DNAJB6: variants seen among roughly 807,000 people sequenced by gnomAD.
DNAJB6 encodes the protein dnaJ homolog subfamily B member 6.
A neutral mutation model predicts 42.7 loss-of-function variants in DNAJB6; 16 were observed. That is an observed-to-expected ratio of 0.37 (90% CI 0.25 to 0.57). DNAJB6 has a LOEUF of 0.57. Among genes scored for constraint, DNAJB6 ranks in the 20% least tolerant of loss-of-function variants. The pLI is 0.74. For synonymous variants in DNAJB6, 170 were observed against 163.5 expected, an observed-to-expected ratio of 1.04 and a Z score of -0.30; for missense variants, 347 against 416.8, an observed-to-expected ratio of 0.83 and a Z score of 1.46.
intron 5 of DNAJB6, among the ~76,000 whole-genome samples, chr7:157,372,558 C>T (rs978353381): frequency 1.3e-5 from 2 of 152,178 alleles, no homozygotes; most frequent in African/African-American, 2.4e-5. Context: ...TCCTCTAGTG[C>T]CTTGATACTG....
At chr7:157,396,711 C>G (rs2117147084) in intron 8 of DNAJB6, among the ~76,000 whole-genome samples, 1 of 152,308 alleles carries the variant, frequency 6.6e-6, no homozygotes, top group South Asian at 2.1e-4. Context: ...TAATTTCCGG[C>G]TTTCATAGCC....
intron 1 of DNAJB6, among the ~76,000 whole-genome samples, chr7:157,344,209 C>G (rs570897323): frequency 6.6e-6 from 1 of 152,160 alleles, no homozygotes; most frequent in Non-Finnish European, 1.5e-5. Flanking sequence ...GGCGTGGTGA[C>G]AGGTGCCTGT....
At chr7:157,352,415 A>C (rs1799036320) in intron 1 of DNAJB6, among the ~76,000 whole-genome samples, 1 of 151,910 alleles carries the variant, frequency 6.6e-6, no homozygotes, top group African/African-American at 2.4e-5. Context: ...GGCTTTATTT[A>C]ATCATGCAGT....
intron 5 of DNAJB6, among the ~76,000 whole-genome samples, chr7:157,374,244 A>G (rs1487415517): frequency 6.6e-6 from 1 of 152,066 alleles, no homozygotes; most frequent in Non-Finnish European, 1.5e-5. Flanking sequence ...TCGTGTTGAG[A>G]TGGAGCTGTT....
chr7:157,355,879 T>C (rs971852752), intron 1 of DNAJB6, among the ~76,000 whole-genome samples: 2 of 152,212 alleles, frequency 1.3e-5, no homozygotes, highest in Non-Finnish European at 2.9e-5. Flanking sequence ...GTGTTTTTGG[T>C]GGTGAAGTAA....
At chr7:157,354,511 G>A (rs1175029233) in intron 1 of DNAJB6, among the ~76,000 whole-genome samples, 5 of 151,398 alleles carry the variant, frequency 3.3e-5, no homozygotes, top group African/African-American at 7.3e-5. Flanking sequence ...GACAGGTCTC[G>A]CTCTCACCCC....
chr7:157,383,787 G>A (rs567586162), intron 6 of DNAJB6, among the ~76,000 whole-genome samples: 2 of 152,276 alleles, frequency 1.3e-5, no homozygotes, highest in East Asian at 1.9e-4. Flanking sequence ...TACTCCTAAC[G>A]GAGATCAGCA....
intron 8 of DNAJB6, among the ~76,000 whole-genome samples, chr7:157,386,851 T>G (rs1309773589): frequency 6.7e-6 from 1 of 150,042 alleles, no homozygotes; most frequent in Non-Finnish European, 1.5e-5. Context: ...GCCATTGCAC[T>G]CCAGCCTGGG....
intron 9 of DNAJB6, chr7:157,412,125 T>C (rs945306024): frequency 2.0e-5 from 3 of 152,168 alleles, no homozygotes; most frequent in Admixed American, 6.5e-5. Context: ...AACGAACACG[T>C]CAGAGACTTT....
At chr7:157,353,093 A>G (rs761000135) in intron 1 of DNAJB6, among the ~76,000 whole-genome samples, 8 of 149,514 alleles carry the variant, frequency 5.4e-5, no homozygotes, top group East Asian at 2.0e-4. Flanking sequence ...TTTTTTTTTA[A>G]TTTTTAAAAT....
At chr7:157,404,377 A>G (rs1455677461) in intron 8 of DNAJB6, among the ~76,000 whole-genome samples, 1 of 149,272 alleles carries the variant, frequency 6.7e-6, no homozygotes. Context: ...TGCAGCCTTG[A>G]ACCCCCTCGG....
chr7:157,343,428 T>A (rs1210431074), intron 1 of DNAJB6, among the ~76,000 whole-genome samples: 1 of 152,170 alleles, frequency 6.6e-6, no homozygotes, highest in Non-Finnish European at 1.5e-5. Flanking sequence ...GTGCTGGGAT[T>A]ACAGGCGTGA....
At chr7:157,383,527 G>A (rs1487402722) in intron 6 of DNAJB6, among the ~76,000 whole-genome samples, 3 of 152,056 alleles carry the variant, frequency 2.0e-5, no homozygotes, top group Non-Finnish European at 4.4e-5. Flanking sequence ...CATGGAATAT[G>A]CTGACCACAG....
At chr7:157,415,929 A>C in intron 9 of DNAJB6, 87 bp from the exon 10 acceptor site, 1 of 1,601,248 alleles carries the variant, frequency 6.2e-7, no homozygotes, top group Non-Finnish European at 8.5e-7. Context: ...TGTTCTTAAC[A>C]TGGGGAGATA....
intron 8 of DNAJB6, among the ~76,000 whole-genome samples, chr7:157,406,192 T>G (rs1284560202): frequency 6.6e-6 from 1 of 152,254 alleles, no homozygotes. Context: ...TCCCTGTCCA[T>G]GCCGGCAGTG....
chr7:157,343,095 A>T (rs1798499684), intron 1 of DNAJB6, among the ~76,000 whole-genome samples: 1 of 151,704 alleles, frequency 6.6e-6, no homozygotes, highest in Admixed American at 6.6e-5. Context: ...AGGCTCAAGC[A>T]ATTCTTGTGC....
intron 5 of DNAJB6, chr7:157,369,375 G>C (rs1038018525): frequency 2.2e-6 from 1 of 456,632 alleles, no homozygotes; most frequent in Non-Finnish European, 4.4e-6. Context: ...GGCAGTGTTT[G>C]GGTTGAAGTC....
At chr7:157,408,531 G>A (rs6956607) in intron 8 of DNAJB6, among the ~76,000 whole-genome samples, 83,688 of 152,076 alleles carry the variant, frequency 0.55, 25,277 homozygotes, top group Admixed American at 0.7. Context: ...CTTGTGTGGG[G>A]GTCTTCCTTA....
chr7:157,394,958 G>T (rs184892528), intron 8 of DNAJB6, among the ~76,000 whole-genome samples: 78 of 152,238 alleles, frequency 5.1e-4, no homozygotes, highest in Non-Finnish European at 1.0e-3. Flanking sequence ...TGGCTTGGGG[G>T]TGCACGCCTC....
Sources: gnomAD v4.1 joint callset for allele counts (sites outside exome capture counted in the v4.1 genomes callset) on GRCh38, gnomAD v4.1.1 for gene constraint, MANE v1.5 for transcripts, NCBI Gene and HGNC (gene_info 2026-07-23, HGNC 2026-07-21) for gene names.